Variants in NRXN2 observed in about 807,000 individuals in gnomAD.
NRXN2 encodes the protein neurexin-2-beta.
In NRXN2, 29 loss-of-function variants were observed where a neutral mutation model predicts 128.8. The ratio of observed to expected loss-of-function variants is 0.23; its 90% CI spans 0.17 to 0.31. NRXN2 has a LOEUF of 0.31. NRXN2 is among the 10% of genes least tolerant of loss of function. The pLI is 1.00. For synonymous variants in NRXN2, 1,098 were observed against 1,075.2 expected (o/e 1.02, Z -0.41); for missense variants, 1,881 against 2,452.6 (o/e 0.77, Z 4.92).
intron 6 of NRXN2, among the ~76,000 whole-genome samples, chr11:64,681,074 G>A (rs1414894123): frequency 1.5e-5 from 2 of 136,200 alleles, no homozygotes; most frequent in Admixed American, 1.6e-4. Flanking sequence ...TCCAACCTGA[G>A]AGACAAAGTG....
At chr11:64,721,012 G>A (rs964887294) in intron 1 of NRXN2, among the ~76,000 whole-genome samples, 17 of 152,050 alleles carry the variant, frequency 1.1e-4, no homozygotes, top group Admixed American at 4.6e-4. Context: ...CGTAGTGGCC[G>A]TGTGTGTGTT....
At position 64,610,508 on chromosome 11, in the gene NRXN2, T is replaced by G. The variant is rs575734350; in HGVS notation, c.4253-2426A>C. On this transcript the variant is annotated intron_variant, in intron 22 of 22. Transcript: ENST00000265459. ...CTGTTGGGGCTGCTTGACTCTTGGC[T>G]TGGATGCTAACTTGGATGACAGAAC... is the stretch of plus-strand genomic sequence containing the variant. Among the ~76,000 whole-genome samples the G allele has an allele frequency of 1.1e-3, 172 of 152,272 alleles. 2 individuals carry two copies. Among genetic ancestry groups the G allele is most frequent in the Non-Finnish European group, 2.1e-4 (14 of 68,010 alleles).
chr11:64,684,910 G>A (rs538859071), intron 6 of NRXN2, among the ~76,000 whole-genome samples: 2 of 152,192 alleles, frequency 1.3e-5, no homozygotes, highest in African/African-American at 4.8e-5. Context: ...GCACCTGCGT[G>A]GGCTTGCCCA....
At chr11:64,614,297 A>T (rs1336070983) in intron 22 of NRXN2, among the ~76,000 whole-genome samples, 1 of 152,192 alleles carries the variant, frequency 6.6e-6, no homozygotes, top group East Asian at 1.9e-4. Flanking sequence ...GACAATCACC[A>T]CTGTATTAAG....
intron 3 of NRXN2, among the ~76,000 whole-genome samples, chr11:64,697,134 C>T (rs1034462410): frequency 3.3e-5 from 5 of 152,148 alleles, no homozygotes; most frequent in Admixed American, 6.5e-5. Flanking sequence ...CCTTGCCCTC[C>T]GACCTGGATG....
At chr11:64,666,929 C>T (rs2049952991) in intron 9 of NRXN2, among the ~76,000 whole-genome samples, 1 of 152,080 alleles carries the variant, frequency 6.6e-6, no homozygotes, top group Non-Finnish European at 1.5e-5. Context: ...AATGCTTCCA[C>T]AGATGTGCTC....
rs765193649 is a variant in NRXN2, at chr11:64,651,415, C to T, written c.2758G>A (p.Val920Ile). ...TAGCTGCTGCGACTCTTGAAGGTGA[C>T]GGGATCGGCCACGATGGCACGCAGG... ...FGLRAIVADP[V>I]TFKSRSSYLA... The change falls in exon 14 of 23, where the codon GTC becomes ATC. Residue 920 changes from valine (V) to isoleucine (I), a missense_variant. By Grantham distance (29) the Val-to-Ile change is conservative (BLOSUM62 3). Around this residue, in one of 7 missense-constraint regions of NRXN2, gnomAD observed 390 missense variants for 599.6 expected, o/e 0.65. Coordinates refer to ENST00000265459, the MANE Select transcript of NRXN2 (RefSeq NM_015080.4). The surrounding 1 kb of genome is among the most constrained non-coding windows in gnomAD (Gnocchi z 5.9). 43 of 1,614,046 alleles carry T rather than the reference C, an allele frequency of 2.7e-5. No individual in the cohort carries two copies. Among genetic ancestry groups the T allele is most frequent in the Non-Finnish European group, 3.2e-5 (38 of 1,180,014 alleles).
At chr11:64,666,863 G>A (rs1158995762) in intron 9 of NRXN2, among the ~76,000 whole-genome samples, 5 of 151,880 alleles carry the variant, frequency 3.3e-5, no homozygotes, top group East Asian at 3.9e-4. Context: ...GCACCCGGCC[G>A]GAAGATATAT....
intron 17 of NRXN2, chr11:64,646,649 AG>A (rs2046716645): frequency 6.6e-6 from 1 of 152,224 alleles, no homozygotes; most frequent in African/African-American, 2.4e-5. Flanking sequence ...GCCTTCTCTG[AG>A]GATCAAATTA....
chr11:64,609,092 G>GCTC (rs2040207503), intron 22 of NRXN2, among the ~76,000 whole-genome samples: 1 of 151,928 alleles, frequency 6.6e-6, no homozygotes, highest in Non-Finnish European at 1.5e-5. Context: ...GTCCTGTCCC[G>GCTC]TAGGACTCTG....
chr11:64,705,695 G>A (rs2056172898), intron 2 of NRXN2, among the ~76,000 whole-genome samples: 2 of 151,792 alleles, frequency 1.3e-5, no homozygotes, highest in Non-Finnish European at 1.5e-5. Flanking sequence ...CAATCACCTG[G>A]AATGTCAAGA....
At chr11:64,619,710 C>G (rs1334706134) in intron 22 of NRXN2, among the ~76,000 whole-genome samples, 2 of 152,198 alleles carry the variant, frequency 1.3e-5, no homozygotes, top group African/African-American at 4.8e-5. Context: ...TCCCACCCAG[C>G]ACACTATCGG....
intron 22 of NRXN2, among the ~76,000 whole-genome samples, chr11:64,619,380 G>T (rs926759160): frequency 6.6e-6 from 1 of 150,920 alleles, no homozygotes; most frequent in Non-Finnish European, 1.5e-5. Flanking sequence ...TCCCCCAGCT[G>T]CTCTTGGCCA....
At chr11:64,642,757 G>T in intron 17 of NRXN2, 1 of 1,227,540 alleles carries the variant, frequency 8.1e-7, no homozygotes, top group Non-Finnish European at 1.0e-6. Flanking sequence ...AGCCAGGGCC[G>T]GGGGGCGGCG....
At chr11:64,685,620 C>T (rs1342021277) in intron 6 of NRXN2, 26 bp downstream of exon 6, 1 of 1,614,132 alleles carries the variant, frequency 6.2e-7, no homozygotes, top group African/African-American at 1.3e-5. Flanking sequence ...ATAGCTAATC[C>T]CTGGCCTTCT....
At chr11:64,719,917 A>G (rs2057391380) in intron 1 of NRXN2, among the ~76,000 whole-genome samples, 2 of 152,196 alleles carry the variant, frequency 1.3e-5, no homozygotes, top group Admixed American at 1.3e-4. Flanking sequence ...AATAGCTACC[A>G]TTTACGGGGA....
chr11:64,646,308 T>A (rs1400862415), intron 17 of NRXN2: 1 of 152,334 alleles, frequency 6.6e-6, no homozygotes, highest in Non-Finnish European at 1.5e-5. Flanking sequence ...AAGAAGTTGC[T>A]CTTCCTATCC....
intron 17 of NRXN2, among the ~76,000 whole-genome samples, chr11:64,637,092 C>T (rs917270283): frequency 9.9e-5 from 15 of 151,998 alleles, no homozygotes; most frequent in African/African-American, 3.6e-4. Context: ...CTTGCTGTTC[C>T]CCAGAGCACC....
chr11:64,608,597 G>GA (rs1055517522), intron 22 of NRXN2, among the ~76,000 whole-genome samples: 1 of 147,428 alleles, frequency 6.8e-6, no homozygotes, highest in African/African-American at 2.5e-5. Flanking sequence ...TTAGCATGAA[G>GA]AAAAAAATTA....
Sources: allele counts gnomAD v4.1 joint callset (sites outside exome capture counted in the v4.1 genomes callset), GRCh38; gene constraint gnomAD v4.1.1; regional missense constraint gnomAD v4.1.1; non-coding constraint Gnocchi (gnomAD v3.1); transcripts MANE v1.5; gene names NCBI Gene and HGNC (gene_info 2026-07-23, HGNC 2026-07-21).